Variants in PACRG observed in about 807,000 individuals in gnomAD.
PACRG encodes parkin coregulated, also known as parkin coregulated gene protein.
Under a neutral mutation model 29.7 loss-of-function variants are expected in PACRG, and 29 were observed. The observed-to-expected ratio is 0.98, with a 90% CI of 0.73 to 1.33. The LOEUF (loss-of-function observed/expected upper bound fraction) is 1.33. Ranked by LOEUF, PACRG falls within the 40% of genes most tolerant of loss-of-function variation. The pLI is 0.00. For synonymous variants in PACRG, 116 were observed against 118.7 expected (o/e 0.98, Z 0.15); for missense variants, 279 against 316.2 (o/e 0.88, Z 0.89).
At chr6:162,727,895 C>T (rs1459709668), upstream of PACRG, 2 of 594,982 alleles carry the variant, frequency 3.4e-6, no homozygotes, top group East Asian at 2.9e-5. Context: ...AGCCCCCCAC[C>T]GCCGCCCTTT....
chr6:162,861,808 C>T (rs1432858091), intron 2 of PACRG, among the ~76,000 whole-genome samples: 1 of 152,126 alleles, frequency 6.6e-6, no homozygotes, highest in Non-Finnish European at 1.5e-5. Context: ...CACTTTAGAT[C>T]TCTGTTGTAA....
At chr6:163,119,643 T>A (rs978583378) in intron 4 of PACRG, among the ~76,000 whole-genome samples, 11 of 152,236 alleles carry the variant, frequency 7.2e-5, no homozygotes, top group Non-Finnish European at 1.5e-5. Flanking sequence ...CAGGAGATTG[T>A]AACCTGTGCT....
intron 2 of PACRG, among the ~76,000 whole-genome samples, chr6:163,061,648 T>C (rs1469068829): frequency 6.6e-6 from 1 of 152,174 alleles, no homozygotes; most frequent in African/African-American, 2.4e-5. Context: ...CCAGGAATCA[T>C]GCTTGACCTC....
intron 4 of PACRG, among the ~76,000 whole-genome samples, chr6:163,216,466 A>G (rs1781368526): frequency 6.6e-6 from 1 of 152,212 alleles, no homozygotes; most frequent in Non-Finnish European, 1.5e-5. Flanking sequence ...ACACAAACTG[A>G]AGGCAGGATT....
intron 2 of PACRG, chr6:163,044,592 G>T (rs1809123450): frequency 6.6e-6 from 1 of 152,122 alleles, no homozygotes; most frequent in African/African-American, 2.4e-5. Context: ...TGTGATGGAA[G>T]TATTTACAAA....
chr6:163,306,949 T>C (rs1785215184), intron 4 of PACRG, among the ~76,000 whole-genome samples: 1 of 152,234 alleles, frequency 6.6e-6, no homozygotes, highest in South Asian at 2.1e-4. Flanking sequence ...TTAAATAACC[T>C]GCCCATAGTT....
chr6:163,197,446 T>TC (rs1562959303), intron 4 of PACRG, among the ~76,000 whole-genome samples: 89 of 141,382 alleles, frequency 6.3e-4, no homozygotes, highest in Middle Eastern at 3.4e-3. Flanking sequence ...TTTTTTTTTT[T>TC]TTTTTTTTTT....
At chr6:162,811,874 C>T (rs1341673175) in intron 1 of PACRG, among the ~76,000 whole-genome samples, 1 of 152,064 alleles carries the variant, frequency 6.6e-6, no homozygotes, top group Non-Finnish European at 1.5e-5. Flanking sequence ...TAAGCATTTC[C>T]TGTGAACAAC....
At chr6:163,177,128 G>A (rs1779398292) in intron 4 of PACRG, among the ~76,000 whole-genome samples, 1 of 152,218 alleles carries the variant, frequency 6.6e-6, no homozygotes, top group Non-Finnish European at 1.5e-5. Context: ...GCTTAAAACA[G>A]TGCACAGAAA....
intron 3 of PACRG, among the ~76,000 whole-genome samples, chr6:163,068,615 T>G (rs1585137738): frequency 1.3e-5 from 2 of 152,100 alleles, no homozygotes. Context: ...CTGATGTAAT[T>G]CCAGCCAGTC....
At chr6:162,780,620 G>A (rs909516843) in intron 1 of PACRG, among the ~76,000 whole-genome samples, 11 of 151,992 alleles carry the variant, frequency 7.2e-5, no homozygotes, top group Admixed American at 2.0e-4. Context: ...AATAGAAATA[G>A]GACATTAAAA....
chr6:162,806,190 C>T (rs1022351051), intron 1 of PACRG, among the ~76,000 whole-genome samples: 2 of 151,632 alleles, frequency 1.3e-5, no homozygotes, highest in Non-Finnish European at 2.9e-5. Flanking sequence ...CTTACTGCAA[C>T]CTCTGCCTCC....
intron 4 of PACRG, among the ~76,000 whole-genome samples, chr6:163,303,582 A>G (rs1008471237): frequency 1.3e-5 from 2 of 152,138 alleles, no homozygotes; most frequent in East Asian, 1.9e-4. Context: ...AAAATCATCT[A>G]TTTTGCTGTT....
chr6:163,137,509 G>A (rs1401974152), intron 4 of PACRG, among the ~76,000 whole-genome samples: 2 of 152,070 alleles, frequency 1.3e-5, no homozygotes, highest in African/African-American at 4.8e-5. Context: ...GGAGCGCCAG[G>A]ATTTCCCAAG....
At chr6:162,982,156 C>T (rs1802491402) in intron 2 of PACRG, among the ~76,000 whole-genome samples, 2 of 151,744 alleles carry the variant, frequency 1.3e-5, no homozygotes, top group South Asian at 4.1e-4. Flanking sequence ...ATTTTGTTTC[C>T]AATTGAGCTT....
At chr6:162,996,355 T>TTTC (rs1437143814) in intron 2 of PACRG, among the ~76,000 whole-genome samples, 1 of 152,184 alleles carries the variant, frequency 6.6e-6, no homozygotes, top group African/African-American at 2.4e-5. Flanking sequence ...AAATCATCAC[T>TTTC]TTCAAGTCCC....
chr6:162,862,682 C>T (rs1011323677), intron 2 of PACRG, among the ~76,000 whole-genome samples: 3 of 152,174 alleles, frequency 2.0e-5, no homozygotes, highest in Admixed American at 6.5e-5. Context: ...CTTTCAGATA[C>T]GTTTCTCAAC....
chr6:163,014,318 T>A (rs1296160333), intron 2 of PACRG, among the ~76,000 whole-genome samples: 1 of 152,200 alleles, frequency 6.6e-6, no homozygotes, highest in Non-Finnish European at 1.5e-5. Flanking sequence ...AATAAGCATG[T>A]GACTGTATGT....
chr6:162,936,979 A>C (rs1471000107), intron 2 of PACRG, among the ~76,000 whole-genome samples: 1 of 152,212 alleles, frequency 6.6e-6, no homozygotes, highest in Non-Finnish European at 1.5e-5. Flanking sequence ...CATTTGAAAA[A>C]GGATACTTTT....
Sources: gnomAD v4.1 joint callset for allele counts (sites outside exome capture counted in the v4.1 genomes callset) on GRCh38, gnomAD v4.1.1 for gene constraint, MANE v1.5 for transcripts, NCBI Gene and HGNC (gene_info 2026-07-23, HGNC 2026-07-21) for gene names.